The following CENPC variants were observed in gnomAD, a reference collection of about 807,000 sequenced individuals.
CENPC encodes the protein CENP-C 1.
A neutral mutation model predicts 112.1 loss-of-function variants in CENPC; 63 were observed. That is an observed-to-expected ratio of 0.56 (90% CI 0.46 to 0.69). The LOEUF (loss-of-function observed/expected upper bound fraction) is 0.69. CENPC is among the 30% of genes least tolerant of loss of function. The pLI is 0.00. For synonymous variants in CENPC, 333 were observed against 367.6 expected (o/e 0.91, Z 1.08); for missense variants, 1,000 against 1,103.8 (o/e 0.91, Z 1.33).
intron 10 of CENPC, 77 bp downstream of exon 10, chr4:67,508,737 C>A: frequency 7.4e-7 from 1 of 1,345,952 alleles, no homozygotes; most frequent in Middle Eastern, 1.9e-4. Flanking sequence ...ACTGCCTGTC[C>A]ATAAATGACT....
rs558458138 is a variant in CENPC, at chr4:67,519,097, T to A, written c.617+120A>T. On this transcript the variant is annotated intron_variant, in intron 6 of 18. Transcript: ENST00000273853. ...TATATGCTAAATGTATACTTTCTCA[T>A]AACATGTTAATATTCCTCCTTCCTT... 3.9e-3 allele frequency: 2,806 copies of A among 714,928 alleles called. 9 individuals are homozygous for A. The highest frequency in any genetic ancestry group is 5.0e-3 in the Non-Finnish European group (2,259 of 451,134). The allele number at this position is 714,928 out of a possible 1,614,324, so 44.3% of individuals were successfully genotyped here.
intron 2 of CENPC, among the ~76,000 whole-genome samples, chr4:67,543,135 G>A (rs540220735): frequency 6.6e-6 from 1 of 152,040 alleles, no homozygotes; most frequent in Non-Finnish European, 1.5e-5. Context: ...GAAGATTTAG[G>A]AGAGCTTATT....
At position 67,471,317 on chromosome 4, in the gene CENPC, A is replaced by C. The variant is rs1724654913; in HGVS notation, c.*1288T>G. On this transcript the variant is annotated 3_prime_UTR_variant, in exon 19 of 19. Coordinates refer to ENST00000273853, the MANE Select transcript of CENPC (RefSeq NM_001812.4). ...CAAAATGCTAAATTTAAAACAATAC[A>C]AATCCCTTAGATATAAAACAAAATT... 2 of 152,180 alleles carry C rather than the reference A, an allele frequency of 1.3e-5. No homozygotes were observed. The highest frequency in any genetic ancestry group is 1.3e-4 in the Admixed American group (2 of 15,284). 9.4% of individuals were successfully genotyped at this position (152,180 alleles called of 1,614,324 possible).
At chr4:67,533,607 T>C (rs140061329) in intron 4 of CENPC, among the ~76,000 whole-genome samples, 14 of 152,144 alleles carry the variant, frequency 9.2e-5, no homozygotes, top group Non-Finnish European at 1.3e-4. Context: ...CATTTTTAGG[T>C]TGAAAAGCAA....
chr4:67,506,930 T>C lies in CENPC; in HGVS notation c.1909A>G (p.Thr637Ala). 1 of 1,600,256 alleles carries C rather than the reference T, an allele frequency of 6.2e-7. No homozygotes were observed. Among genetic ancestry groups the C allele is most frequent in the African/African-American group, 1.3e-5 (1 of 74,134 alleles). Residue 637 changes from threonine to alanine, a missense_variant, in exon 11 of 19, where the codon ACA (threonine) becomes GCA (alanine). Physicochemically the swap from Thr to Ala is moderately conservative, Grantham distance 58. Coordinates refer to ENST00000273853, the MANE Select transcript of CENPC (RefSeq NM_001812.4). ...TTATCTTCATTCTTTGAGCTTCTTGTAGATCTATAAAAATGATAAATGTAT... is the reference window on the plus strand; with the variant it reads ...TTATCTTCATTCTTTGAGCTTCTTGCAGATCTATAAAAATGATAAATGTAT... ...KKKNLDCSRS[T>A]RSSKNEDNIM...
intron 5 of CENPC, among the ~76,000 whole-genome samples, 153 bp downstream of exon 5, chr4:67,530,662 T>C (rs1726520752): frequency 6.6e-6 from 1 of 152,160 alleles, no homozygotes. Flanking sequence ...CATGGAGTTG[T>C]AAGGAAATCA....
rs118053392 is a variant in CENPC, at chr4:67,527,224, C to T, written c.331+3591G>A. ...ACACCATGACCACATGGAAATTTTACGCAAGGCTGGTTAAACATTCAAAAA... is the reference window on the plus strand; with the variant it reads ...ACACCATGACCACATGGAAATTTTATGCAAGGCTGGTTAAACATTCAAAAA... On this transcript the variant is annotated intron_variant, in intron 5 of 18. Transcript: ENST00000273853. Among the ~76,000 whole-genome samples, 80 of 152,156 alleles carry T rather than the reference C, an allele frequency of 5.3e-4. 1 individual carries two copies. Among genetic ancestry groups the T allele is most frequent in the East Asian group, 2.9e-3 (15 of 5,172 alleles).
intron 5 of CENPC, among the ~76,000 whole-genome samples, chr4:67,521,214 A>AG (rs954844862): frequency 6.6e-6 from 1 of 150,860 alleles, no homozygotes; most frequent in Non-Finnish European, 1.5e-5. Flanking sequence ...CAAAAAAAAA[A>AG]AAAAGTAAGA....
intron 5 of CENPC, among the ~76,000 whole-genome samples, chr4:67,529,190 T>G (rs1264769740): frequency 6.6e-6 from 1 of 152,222 alleles, no homozygotes; most frequent in African/African-American, 2.4e-5. Context: ...GTTTTTCTGT[T>G]GTTGAGCTGT....
chr4:67,545,166 C>G (rs1186857659), intron 1 of CENPC, among the ~76,000 whole-genome samples, 172 bp downstream of exon 1: 1 of 152,180 alleles, frequency 6.6e-6, no homozygotes, highest in African/African-American at 2.4e-5. Flanking sequence ...AGTAAATTAA[C>G]TCTGGTTATC....
chr4:67,483,014 T>G (rs1269859221), intron 17 of CENPC, among the ~76,000 whole-genome samples: 2 of 152,084 alleles, frequency 1.3e-5, no homozygotes, highest in Admixed American at 1.3e-4. Flanking sequence ...TCTCACAAGA[T>G]CTGATGGTTT....
At chr4:67,521,026 T>C (rs355504) in intron 5 of CENPC, among the ~76,000 whole-genome samples, 5 of 19,562 alleles carry the variant, frequency 2.6e-4, no homozygotes, top group East Asian at 5.0e-3. Context: ...AATAAACAAA[T>C]AAATAAATAA....
At chr4:67,536,867 C>G (rs543810855) in intron 4 of CENPC, among the ~76,000 whole-genome samples, 36 of 150,940 alleles carry the variant, frequency 2.4e-4, no homozygotes, top group Non-Finnish European at 4.7e-4. Flanking sequence ...AATTGATAAA[C>G]CCTGACAAAA....
intron 17 of CENPC, among the ~76,000 whole-genome samples, chr4:67,478,664 A>ACC (rs1314162162): frequency 6.9e-4 from 35 of 50,668 alleles, no homozygotes; most frequent in African/African-American, 1.3e-3. Context: ...ACACACACAC[A>ACC]CACCCAAAGT....
chr4:67,512,169 G>C, intron 9 of CENPC: 2 of 376,156 alleles, frequency 5.3e-6, no homozygotes, highest in Non-Finnish European at 9.3e-6. Context: ...CATGAAAGCA[G>C]GGATTTCTGG....
chr4:67,525,342 G>A (rs1300422992), intron 5 of CENPC, among the ~76,000 whole-genome samples: 1 of 152,030 alleles, frequency 6.6e-6, no homozygotes, highest in Non-Finnish European at 1.5e-5. Context: ...CTAATTAAAT[G>A]AAAGAGCTTC....
chr4:67,512,659 G>T, intron 8 of CENPC, 90 bp from the exon 9 acceptor site: 1 of 892,616 alleles, frequency 1.1e-6, no homozygotes, highest in Non-Finnish European at 1.6e-6. Context: ...GTCAATTACA[G>T]GAACTTCTTA....
rs756546956 is a variant in CENPC, at chr4:67,518,163, C to T, written c.823G>A (p.Glu275Lys). ...AGTTTCTTAATAACTCACCTGGATTCACTTTTTCGTTTTACTGTTTCTAAA... is the reference window on the plus strand; with the variant it reads ...AGTTTCTTAATAACTCACCTGGATTTACTTTTTCGTTTTACTGTTTCTAAA... ...LFLETVKRKS[E>K]SSPIVRHAAT... is the part of the protein sequence containing the mutation. The change falls in exon 7 of 19, where the codon GAA becomes AAA. Residue 275 changes from glutamate to lysine, a missense_variant. By Grantham distance (56) the Glu-to-Lys change is moderately conservative. Transcript: ENST00000273853. 26 of 1,527,406 alleles carry T rather than the reference C, an allele frequency of 1.7e-5. No individual in the cohort carries two copies. Among genetic ancestry groups the T allele is most frequent in the Non-Finnish European group, 2.1e-5 (24 of 1,131,578 alleles). 94.6% of individuals were successfully genotyped at this position (1,527,406 alleles called of 1,614,324 possible). A position where few individuals can be genotyped will look rare whatever the true frequency, so the allele number is the denominator to read the frequency against.
At position 67,469,019 on chromosome 4, in the gene CENPC, C is replaced by T. The variant is rs1426721250; in HGVS notation, c.*3586G>A. The T allele has an allele frequency of 6.6e-6, 1 of 152,120 alleles. No individual in the cohort carries two copies. Among genetic ancestry groups the T allele is most frequent in the Non-Finnish European group, 1.5e-5 (1 of 68,026 alleles). 9.4% of individuals were successfully genotyped at this position (152,120 alleles called of 1,614,324 possible). A position where few individuals can be genotyped will look rare whatever the true frequency, so the allele number is the denominator to read the frequency against. The stretch of plus-strand genomic sequence containing the variant: ...AGTTCTATGTTGATTGCAGTAGTTA[C>T]ACAAATTCACACATATGATGAAATA... On this transcript the variant is annotated 3_prime_UTR_variant, in exon 19 of 19. Transcript: ENST00000273853.
Sources: gnomAD v4.1 joint callset for allele counts (sites outside exome capture counted in the v4.1 genomes callset) on GRCh38, gnomAD v4.1.1 for gene constraint, MANE v1.5 for transcripts, NCBI Gene and HGNC (gene_info 2026-07-23, HGNC 2026-07-21) for gene names.